Variants in PTCH2 observed in about 807,000 individuals in gnomAD.
The protein encoded by PTCH2 is patched 2.
Under a neutral mutation model 117.9 loss-of-function variants are expected in PTCH2, and 96 were observed. The ratio of observed to expected loss-of-function variants is 0.81; its 90% CI spans 0.69 to 0.96. The LOEUF (loss-of-function observed/expected upper bound fraction) is 0.96. PTCH2 is among the 50% of genes least tolerant of loss of function. The probability of loss-of-function intolerance (pLI) is 0.00; values close to 1 mark genes in which losing one functional copy is unlikely to be tolerated. For missense variants in PTCH2, 1,379 were observed against 1,562.5 expected (o/e 0.88, Z 1.98); for synonymous variants, 615 against 660.9 (o/e 0.93, Z 1.06).
In PTCH2 at chr1:44,823,635, C is replaced by A. The variant is rs1307493343; in HGVS notation, c.3115-250G>T. ...GTACAGCCTGGGTGACAGAGTGAGA[C>A]CCTGTCTCTTAAAACAAACAAGCCC... On this transcript the variant is annotated intron_variant, in intron 19 of 21. Coordinates refer to ENST00000372192, the MANE Select transcript of PTCH2 (RefSeq NM_003738.5). The surrounding 1 kb of genome is among the most constrained non-coding windows in gnomAD (Gnocchi z 5.1). 6.6e-6 allele frequency among the ~76,000 whole-genome samples: 1 copy of A among 152,100 alleles called. No homozygotes were observed. The highest frequency in any genetic ancestry group is 2.4e-5 in the African/African-American group (1 of 41,406).
Position 44,831,373 on chromosome 1 carries a change from C to T in PTCH2, c.618-330G>A, listed in dbSNP as rs898660362. On this transcript the variant is annotated intron_variant, in intron 5 of 21. Coordinates refer to ENST00000372192, the MANE Select transcript of PTCH2 (RefSeq NM_003738.5). The surrounding 1 kb of genome is among the most constrained non-coding windows in gnomAD (Gnocchi z 4.3). ...ACAACCAGCAGGCACATGCCTGTAG[C>T]AGGTTTTCTTTCTGGCCTGGGCAAT... Among the ~76,000 whole-genome samples, 3 of 152,260 alleles carry T rather than the reference C, an allele frequency of 2.0e-5. No homozygotes were observed. The highest frequency in any genetic ancestry group is 7.2e-5 in the African/African-American group (3 of 41,472).
chr1:44,820,627 G>T (rs1398822490), downstream of PTCH2: 2 of 703,282 alleles, frequency 2.8e-6, no homozygotes, highest in East Asian at 5.4e-5. Flanking sequence ...GACCAATTCA[G>T]CCTGTCCAGA....
At position 44,822,302 on chromosome 1, in the gene PTCH2, G is replaced by T. The variant is rs1359356027; in HGVS notation, c.*113C>A. On this transcript the variant is annotated 3_prime_UTR_variant, in exon 22 of 22. Transcript: ENST00000372192. ...CCATGACAGCTGGGTCGGGAGAGGGGATGCAGCAGCAGCAGGGCCCTCCAG... is the reference window on the plus strand; with the variant it reads ...CCATGACAGCTGGGTCGGGAGAGGGTATGCAGCAGCAGCAGGGCCCTCCAG... The T allele has an allele frequency of 6.3e-6, 10 of 1,594,114 alleles. No homozygotes were observed. Among genetic ancestry groups the T allele is most frequent in the Non-Finnish European group, 8.5e-6 (10 of 1,176,332 alleles).
intron 13 of PTCH2, 43 bp downstream of exon 13, chr1:44,828,253 T>C: frequency 6.2e-7 from 1 of 1,612,572 alleles, no homozygotes. Context: ...GGGGACAGGC[T>C]GGCGTGGGTC....
intron 2 of PTCH2, among the ~76,000 whole-genome samples, chr1:44,833,289 C>T (rs1239952383): frequency 6.6e-6 from 1 of 152,098 alleles, no homozygotes; most frequent in African/African-American, 2.4e-5. Context: ...GGAGGCTTTG[C>T]GGATTTGGTC....
Position 44,840,163 on chromosome 1 carries a change from G to A in PTCH2, c.265+1684C>T, listed in dbSNP as rs1438784508. Among the ~76,000 whole-genome samples, 5 of 149,400 alleles carry A rather than the reference G, an allele frequency of 3.3e-5. No individual in the cohort carries two copies. In the East Asian group the frequency reaches 6.0e-4, roughly 18 times the overall value. ...TGCTGCCCAGGCTGGAGTGCAGTGC[G>A]GCGATCTTGGCTCACTGCAACCTCC... On this transcript the variant is annotated intron_variant, in intron 2 of 21. Transcript: ENST00000372192.
chr1:44,822,685 A>C lies in PTCH2; in HGVS notation c.3358-16T>G. 6.2e-7 allele frequency: 1 copy of C among 1,613,252 alleles called. No homozygotes were observed. The highest frequency in any genetic ancestry group is 1.1e-5 in the South Asian group (1 of 91,050). On this transcript the variant is annotated splice_polypyrimidine_tract_variant and intron_variant, in intron 21 of 21. Coordinates refer to ENST00000372192, the MANE Select transcript of PTCH2 (RefSeq NM_003738.5). Reference sequence around the variant, plus strand: ...TCTGTATCACCTGTGGGGAGACACCAGCCCCAGTAAGCCCACGGGCCCCTG... The same window carrying C: ...TCTGTATCACCTGTGGGGAGACACCCGCCCCAGTAAGCCCACGGGCCCCTG...
Position 44,828,627 on chromosome 1 carries a change from C to T in PTCH2, c.1469G>A (p.Arg490His), listed in dbSNP as rs768952641. The part of the protein sequence containing the change: ...EALPGTPLQE[R>H]MGECLQRTGT... ...CGTGCGCTGCAGACACTCGCCCATG[C>T]GCTCCTGCCAGGACAGAGTGGGGAC... The change falls in exon 12 of 22, where the codon CGC becomes CAC. Residue 490 changes from arginine to histidine, a missense_variant. Transcript: ENST00000372192. The T allele has an allele frequency of 1.9e-6, 3 of 1,611,894 alleles. No individual in the cohort carries two copies. Among genetic ancestry groups the T allele is most frequent in the African/African-American group, 1.3e-5 (1 of 75,000 alleles).
chr1:44,828,888 G>A (rs909175769), intron 11 of PTCH2, 94 bp downstream of exon 11: 26 of 1,365,890 alleles, frequency 1.9e-5, no homozygotes, highest in Middle Eastern at 1.8e-4. Flanking sequence ...AAGAGGCACC[G>A]AGGTTCATTA....
At chr1:44,833,699 C>A (rs1040632193) in intron 2 of PTCH2, among the ~76,000 whole-genome samples, 1 of 151,992 alleles carries the variant, frequency 6.6e-6, no homozygotes, top group Non-Finnish European at 1.5e-5. Flanking sequence ...CAGGTTCAAG[C>A]GATTCTCGTG....
chr1:44,823,335 A>G lies in PTCH2; in HGVS notation c.3165T>C (p.Leu1055=). Residue 1055 remains leucine (L), a synonymous_variant, in exon 20 of 22, where the codon CTT becomes CTC. Coordinates refer to ENST00000372192, the MANE Select transcript of PTCH2 (RefSeq NM_003738.5). The surrounding 1 kb of genome is among the most constrained non-coding windows in gnomAD (Gnocchi z 5.1). ...GSRNLRAAHA[L]EHTFAPVTDG... Reference sequence around the variant, plus strand: ...CGGTCACGGGGGCAAATGTGTGCTCAAGGGCATGGGCGGCCCGCAGGTTCC... The same window carrying G: ...CGGTCACGGGGGCAAATGTGTGCTCGAGGGCATGGGCGGCCCGCAGGTTCC... The G allele has an allele frequency of 1.2e-6, 2 of 1,614,220 alleles. No individual in the cohort carries two copies. The highest frequency in any genetic ancestry group is 1.7e-6 in the Non-Finnish European group (2 of 1,180,038).
chr1:44,820,977 C>T (rs917264413), downstream of PTCH2, among the ~76,000 whole-genome samples: 1 of 152,140 alleles, frequency 6.6e-6, no homozygotes, highest in East Asian at 1.9e-4. Context: ...AGCGTGGATT[C>T]AATTGCAATA....
chr1:44,831,587 G>T lies in PTCH2; in HGVS notation c.617+119C>A. 2 of 1,001,820 alleles carry T rather than the reference G, an allele frequency of 2.0e-6. No homozygotes were observed. Among genetic ancestry groups the T allele is most frequent in the Non-Finnish European group, 3.1e-6 (2 of 654,474 alleles). 62.1% of individuals were successfully genotyped at this position (1,001,820 alleles called of 1,614,324 possible). ...GGGAAGCCCATGCTCTCTGTTCCTG[G>T]CCTGGGAGGTAATTAGGACCTTGGT... On this transcript the variant is annotated intron_variant, in intron 5 of 21. Coordinates refer to ENST00000372192, the MANE Select transcript of PTCH2 (RefSeq NM_003738.5). This position sits in a 1 kb window ranked among gnomAD's most constrained non-coding sequence, Gnocchi z 4.3.
Position 44,841,920 on chromosome 1 carries a change from C to A in PTCH2, c.192G>T (p.Leu64Phe). ...HCGKVLFLGLLAFGALALGLR... is the reference protein window; with the variant it reads ...HCGKVLFLGLFAFGALALGLR... ...GACCTAATGCCAGGGCCCCAAAGGC[C>A]AACAGTCCCAGAAAGAGCACTTTGC... Residue 64 changes from leucine (L) to phenylalanine (F), a missense_variant, in exon 2 of 22, where the codon TTG (leucine) becomes TTT (phenylalanine). Physicochemically the swap from Leu to Phe is conservative, Grantham distance 22 (BLOSUM62 0). Coordinates refer to ENST00000372192, the MANE Select transcript of PTCH2 (RefSeq NM_003738.5). 6.2e-7 allele frequency: 1 copy of A among 1,614,216 alleles called. No individual in the cohort carries two copies. The highest frequency in any genetic ancestry group is 1.1e-5 in the South Asian group (1 of 91,086).
At chr1:44,840,527 A>G (rs1653902542) in intron 2 of PTCH2, among the ~76,000 whole-genome samples, 1 of 151,430 alleles carries the variant, frequency 6.6e-6, no homozygotes, top group Non-Finnish European at 1.5e-5. Context: ...CCTGGCCAAC[A>G]TGGTGAAACC....
Position 44,828,029 on chromosome 1 carries a change from C to A in PTCH2, c.1872G>T (p.Val624=). 1 of 1,614,190 alleles carries A rather than the reference C, an allele frequency of 6.2e-7. No individual in the cohort carries two copies. Among genetic ancestry groups the A allele is most frequent in the Non-Finnish European group, 8.5e-7 (1 of 1,180,028 alleles). The stretch of plus-strand genomic sequence containing the variant: ...AGCCCAGTGGGTCAGAAGGTGGGGG[C>A]ACCAGGTGGGCTTGGGGAGGCAGGA... ...VTILPPQAHL[V]PPPSDPLGSE... The change falls in exon 14 of 22, where the codon GTG becomes GTT. Residue 624 remains valine, a synonymous_variant. Transcript: ENST00000372192.
In PTCH2 at chr1:44,832,188, A is replaced by C; in HGVS notation, c.419T>G (p.Leu140Arg). The C allele has an allele frequency of 6.2e-7, 1 of 1,614,144 alleles. No individual in the cohort carries two copies. The highest frequency in any genetic ancestry group is 8.5e-7 in the Non-Finnish European group (1 of 1,180,022). The change falls in exon 3 of 22, where the codon CTC becomes CGC. Residue 140 changes from leucine to arginine, a missense_variant. Physicochemically the swap from Leu to Arg is moderately radical, Grantham distance 102. Coordinates refer to ENST00000372192, the MANE Select transcript of PTCH2 (RefSeq NM_003738.5). ...EALGLHLQAA[L>R]TASKVQVSLY... ...TGATACTTGGACTTTACTGGCAGTG[A>C]GGGCTGCCTGGAGGTGGAGGCCAAG...
At chr1:44,841,823 C>G (rs767031995) in intron 2 of PTCH2, 24 bp downstream of exon 2, 7 of 1,611,244 alleles carry the variant, frequency 4.3e-6, no homozygotes, top group Non-Finnish European at 5.9e-6. Flanking sequence ...ACCTGAGCAG[C>G]TATGGCCAGT....
At position 44,822,466 on chromosome 1, in the gene PTCH2, G is replaced by T; in HGVS notation, c.3561C>A (p.Ala1187=). 1 of 1,613,986 alleles carries T rather than the reference G, an allele frequency of 6.2e-7. No individual in the cohort carries two copies. The highest frequency in any genetic ancestry group is 1.7e-4 in the Middle Eastern group (1 of 6,054). The change falls in exon 22 of 22, where the codon GCC becomes GCA. Residue 1187 remains alanine, a synonymous_variant. Coordinates refer to ENST00000372192, the MANE Select transcript of PTCH2 (RefSeq NM_003738.5). The part of the protein sequence containing the change: ...APDEPPWSPA[A]TSSGNLSSRG... Reference sequence around the variant, plus strand: ...TGGAACTGAGGTTGCCAGAGCTAGTGGCAGCAGGGGACCAAGGGGGCTCAT... The same window carrying T: ...TGGAACTGAGGTTGCCAGAGCTAGTTGCAGCAGGGGACCAAGGGGGCTCAT...
Sources: gnomAD v4.1 joint callset for allele counts (sites outside exome capture counted in the v4.1 genomes callset) on GRCh38, gnomAD v4.1.1 for gene constraint, Gnocchi (gnomAD v3.1) non-coding constraint, MANE v1.5 for transcripts, NCBI Gene and HGNC (gene_info 2026-07-23, HGNC 2026-07-21) for gene names.